Variants in SPAG16 observed in about 807,000 individuals in gnomAD.
SPAG16 encodes sperm associated antigen 16, also known as sperm-associated antigen 16 protein.
In SPAG16, 86 loss-of-function variants were observed where a neutral mutation model predicts 80.4. The ratio of observed to expected loss-of-function variants is 1.07; its 90% CI spans 0.90 to 1.28. The LOEUF is 1.28. Among genes scored for constraint, SPAG16 ranks in the 50% most tolerant of loss-of-function variants. SPAG16 has a pLI of 0.00. For missense variants in SPAG16, 870 were observed against 765.3 expected (o/e 1.14, Z -1.61); for synonymous variants, 294 against 265.9 (o/e 1.11, Z -1.03).
chr2:214,208,492 A>C (rs150525967), intron 15 of SPAG16, among the ~76,000 whole-genome samples: 1 of 152,136 alleles, frequency 6.6e-6, no homozygotes, highest in Non-Finnish European at 1.5e-5. Flanking sequence ...ATCTTTTTCA[A>C]ACTATTTCAG....
At chr2:214,046,890 C>A in intron 13 of SPAG16, among the ~76,000 whole-genome samples, 1 of 125,776 alleles carries the variant, frequency 8.0e-6, no homozygotes, top group African/African-American at 3.1e-5. Flanking sequence ...TTCTATATGT[C>A]AAAAGTAAAC....
intron 15 of SPAG16, among the ~76,000 whole-genome samples, chr2:214,271,470 A>G (rs1382264444): frequency 1.3e-5 from 2 of 152,206 alleles, no homozygotes; most frequent in African/African-American, 4.8e-5. Flanking sequence ...ATAAGCTGAA[A>G]GAAAATTATG....
At position 214,401,780 on chromosome 2, in the gene SPAG16, A is replaced by G. The variant is rs1296997244; in HGVS notation, c.1721-8360A>G. Reference sequence around the variant, plus strand: ...ATAGAAAAATGCATAGTTTTAGCCAATTGCTGACTCATAGTATTGCTAGAA... The same window carrying G: ...ATAGAAAAATGCATAGTTTTAGCCAGTTGCTGACTCATAGTATTGCTAGAA... On this transcript the variant is annotated intron_variant, in intron 15 of 15. Coordinates refer to ENST00000331683, the MANE Select transcript of SPAG16 (RefSeq NM_024532.5). 2.0e-5 allele frequency among the ~76,000 whole-genome samples: 3 copies of G among 151,936 alleles called. 1 individual carries two copies. The highest frequency in any genetic ancestry group is 7.2e-5 in the African/African-American group (3 of 41,442).
chr2:214,304,062 A>C (rs1464050553), intron 15 of SPAG16, among the ~76,000 whole-genome samples: 3 of 152,082 alleles, frequency 2.0e-5, no homozygotes, highest in African/African-American at 4.8e-5. Context: ...CTATATGTCC[A>C]TGTATTCTCA....
intron 7 of SPAG16, among the ~76,000 whole-genome samples, chr2:213,352,272 A>C (rs1361773371): frequency 6.6e-6 from 1 of 152,048 alleles, no homozygotes; most frequent in Non-Finnish European, 1.5e-5. Flanking sequence ...TGAGTTTAAC[A>C]ATAATTTAAA....
At chr2:213,909,986 CTAAG>C (rs919428552) in intron 11 of SPAG16, among the ~76,000 whole-genome samples, 4 of 152,102 alleles carry the variant, frequency 2.6e-5, no homozygotes, top group African/African-American at 9.7e-5. Flanking sequence ...AATCTAAATT[CTAAG>C]TGTTTTTCTA....
intron 12 of SPAG16, among the ~76,000 whole-genome samples, chr2:213,964,741 T>G (rs139018814): frequency 6.6e-6 from 1 of 152,098 alleles, no homozygotes; most frequent in Non-Finnish European, 1.5e-5. Flanking sequence ...TCAATCAGAG[T>G]CAAAATGTTC....
intron 12 of SPAG16, among the ~76,000 whole-genome samples, chr2:214,002,664 C>T (rs2046845163): frequency 6.6e-6 from 1 of 152,140 alleles, no homozygotes. Flanking sequence ...AGTCAGTGCT[C>T]TAAGTCCTGG....
chr2:213,625,892 G>A (rs1209070167), intron 10 of SPAG16, among the ~76,000 whole-genome samples: 1 of 151,816 alleles, frequency 6.6e-6, no homozygotes, highest in Admixed American at 6.6e-5. Context: ...GTTTCATCAG[G>A]TGAGCCAGGC....
At chr2:213,529,502 TAAC>T (rs974918695) in intron 10 of SPAG16, among the ~76,000 whole-genome samples, 13 of 152,210 alleles carry the variant, frequency 8.5e-5, no homozygotes, top group East Asian at 1.9e-4. Context: ...GTGCATCACT[TAAC>T]AAGCTGAGTG....
intron 15 of SPAG16, among the ~76,000 whole-genome samples, chr2:214,293,824 A>G (rs1693959236): frequency 6.6e-6 from 1 of 152,036 alleles, no homozygotes; most frequent in Non-Finnish European, 1.5e-5. Context: ...AGGCCTTTGA[A>G]GACTAAGCTT....
rs968601758 is a variant in SPAG16 at position 213,300,292 on chromosome 2, C to T, written c.279+2935C>T. On this transcript the variant is annotated intron_variant, in intron 3 of 15. Coordinates refer to ENST00000331683, the MANE Select transcript of SPAG16 (RefSeq NM_024532.5). ...CCTCCTCCTTTTCTTCCTCTTCCTC[C>T]TGAGAATTTAAGTAGAATTTATGGA... is the stretch of plus-strand genomic sequence containing the variant. 2.0e-5 allele frequency among the ~76,000 whole-genome samples: 3 copies of T among 152,032 alleles called. No individual in the cohort carries two copies. The East Asian group carries it at 5.8e-4, about 29-fold the overall frequency.
intron 10 of SPAG16, among the ~76,000 whole-genome samples, chr2:213,718,869 G>A (rs537412484): frequency 6.6e-6 from 1 of 152,334 alleles, no homozygotes; most frequent in African/African-American, 2.4e-5. Context: ...AAGGGCTGAG[G>A]AATGCGAGCA....
chr2:213,711,858 C>A (rs1033361061), intron 10 of SPAG16, among the ~76,000 whole-genome samples: 1 of 152,098 alleles, frequency 6.6e-6, no homozygotes, highest in East Asian at 1.9e-4. Flanking sequence ...TCTCTGTAGA[C>A]ATCTAACACT....
chr2:213,942,629 T>C (rs1276840519), intron 12 of SPAG16, among the ~76,000 whole-genome samples: 1 of 152,168 alleles, frequency 6.6e-6, no homozygotes, highest in Non-Finnish European at 1.5e-5. Context: ...TTCTCTGTGA[T>C]ATCTTATTTT....
chr2:214,032,107 C>T (rs2048445182), intron 13 of SPAG16, among the ~76,000 whole-genome samples: 1 of 152,154 alleles, frequency 6.6e-6, no homozygotes, highest in Non-Finnish European at 1.5e-5. Context: ...CCCTCCCTTG[C>T]ATGCACTTTC....
At chr2:214,148,602 C>T (rs150703266) in intron 14 of SPAG16, among the ~76,000 whole-genome samples, 33 of 152,258 alleles carry the variant, frequency 2.2e-4, no homozygotes, top group African/African-American at 7.9e-4. Context: ...CGATATTCTT[C>T]TCTCACTGTG....
At chr2:213,730,563 T>A (rs2125421257) in intron 10 of SPAG16, among the ~76,000 whole-genome samples, 1 of 152,370 alleles carries the variant, frequency 6.6e-6, no homozygotes, top group East Asian at 1.9e-4. Flanking sequence ...ATGCTAATTC[T>A]TATTATCGTT....
intron 9 of SPAG16, among the ~76,000 whole-genome samples, chr2:213,407,514 G>A (rs2068679522): frequency 6.6e-6 from 1 of 151,446 alleles, no homozygotes; most frequent in African/African-American, 2.4e-5. Flanking sequence ...CAACCCCCCC[G>A]TTCAACCCCT....
Sources: allele counts gnomAD v4.1 joint callset (sites outside exome capture counted in the v4.1 genomes callset), GRCh38; gene constraint gnomAD v4.1.1; transcripts MANE v1.5; gene names NCBI Gene and HGNC (gene_info 2026-07-23, HGNC 2026-07-21).